Variants in DENND1A observed in about 807,000 individuals in gnomAD.
DENND1A encodes DENN domain-containing protein 1A.
A neutral mutation model predicts 113.7 loss-of-function variants in DENND1A; 51 were observed. That is an observed-to-expected ratio of 0.45 (90% confidence interval 0.36 to 0.57). The LOEUF is 0.57. Ranked by LOEUF, DENND1A falls within the 20% of genes least tolerant of loss-of-function variation. The pLI is 0.00. For missense variants in DENND1A, 1,258 were observed against 1,395.9 expected (o/e 0.90, Z 1.57); for synonymous variants, 565 against 570.8 (o/e 0.99, Z 0.14).
chr9:123,669,096 A>C (rs939915306), intron 7 of DENND1A, among the ~76,000 whole-genome samples: 1 of 152,182 alleles, frequency 6.6e-6, no homozygotes, highest in Non-Finnish European at 1.5e-5. Flanking sequence ...TGGTATTTTA[A>C]TACAAAATTA....
chr9:123,384,059 AGGAGTCTG>A, intron 22 of DENND1A, 146 bp from the exon 23 acceptor site: 3 of 1,139,196 alleles, frequency 2.6e-6, no homozygotes, highest in Non-Finnish European at 3.7e-6. Context: ...CCGTGAGGGC[AGGAGTCTG>A]GGAGGCTGCG....
intron 5 of DENND1A, among the ~76,000 whole-genome samples, chr9:123,703,004 CAG>C (rs1163005909): frequency 6.6e-6 from 1 of 152,152 alleles, no homozygotes; most frequent in Non-Finnish European, 1.5e-5. Context: ...TCTTTTGATA[CAG>C]AGTCTTTCCC....
At chr9:123,827,567 G>A (rs899941980) in intron 2 of DENND1A, among the ~76,000 whole-genome samples, 1 of 151,882 alleles carries the variant, frequency 6.6e-6, no homozygotes, top group East Asian at 1.9e-4. Context: ...TAGCATTTAA[G>A]AACATGTTTC....
intron 2 of DENND1A, among the ~76,000 whole-genome samples, chr9:123,795,239 G>A (rs12341586): frequency 1.2e-4 from 19 of 152,124 alleles, no homozygotes; most frequent in Admixed American, 5.2e-4. Context: ...GATTCAGTCC[G>A]ATAGTTCATA....
chr9:123,388,468 G>T (rs571295441), intron 21 of DENND1A, among the ~76,000 whole-genome samples: 1 of 152,232 alleles, frequency 6.6e-6, no homozygotes, highest in African/African-American at 2.4e-5. Flanking sequence ...CCAATAAGCA[G>T]GAAGAAATAA....
intron 1 of DENND1A, among the ~76,000 whole-genome samples, chr9:123,903,650 T>G (rs1437279412): frequency 6.6e-6 from 1 of 152,132 alleles, no homozygotes; most frequent in African/African-American, 2.4e-5. Context: ...ACCCGAATAT[T>G]GCGCTTTTCG....
chr9:123,660,415 C>T (rs139300737), intron 8 of DENND1A, among the ~76,000 whole-genome samples: 26 of 151,730 alleles, frequency 1.7e-4, no homozygotes, highest in Middle Eastern at 3.4e-3. Context: ...AGGTAGCATA[C>T]AGTGCAGACA....
chr9:123,381,196 C>A lies in DENND1A; in HGVS notation c.*236G>T, dbSNP rs1249743625. ...CAAGGGTGCCGAGGAGAGGCAACCG[C>A]GGGGTGGGATGGGCACTCAGGAACT... On this transcript the variant is annotated 3_prime_UTR_variant, in exon 24 of 24. Transcript: ENST00000394215. The surrounding 1 kb of genome is among the most constrained non-coding windows in gnomAD (Gnocchi z 4.7). 11 of 578,396 alleles carry A rather than the reference C, an allele frequency of 1.9e-5. No individual in the cohort carries two copies. Among genetic ancestry groups the A allele is most frequent in the Non-Finnish European group, 3.1e-5 (10 of 324,944 alleles). 35.8% of individuals were successfully genotyped at this position (578,396 alleles called of 1,614,324 possible).
intron 20 of DENND1A, among the ~76,000 whole-genome samples, chr9:123,409,210 T>C (rs2044116516): frequency 6.6e-6 from 1 of 152,156 alleles, no homozygotes; most frequent in Non-Finnish European, 1.5e-5. Flanking sequence ...TTCTCCTCTG[T>C]GTCTCTGCCA....
chr9:123,735,581 T>G (rs994529140), intron 5 of DENND1A, among the ~76,000 whole-genome samples: 1 of 152,234 alleles, frequency 6.6e-6, no homozygotes, highest in African/African-American at 2.4e-5. Context: ...TTGCCTGATA[T>G]TCTAGAAATT....
Position 123,538,728 on chromosome 9 carries a change from C to T in DENND1A, c.993+18842G>A, listed in dbSNP as rs1299323129. ...AAAATCCATCAAATATGTTGAAATC[C>T]ACCAGGCAATTATGTGTGTGAGTGT... is the stretch of plus-strand genomic sequence containing the variant. On this transcript the variant is annotated intron_variant, in intron 13 of 23. Coordinates refer to ENST00000394215, the MANE Select transcript of DENND1A (RefSeq NM_001352964.2). 3.6e-5 allele frequency among the ~76,000 whole-genome samples: 5 copies of T among 138,958 alleles called. No homozygotes were observed. The East Asian group carries it at 8.4e-4, about 23-fold the overall frequency. 91.2% of individuals were successfully genotyped at this position (138,958 alleles called of 152,430 possible).
intron 3 of DENND1A, among the ~76,000 whole-genome samples, chr9:123,779,592 T>C (rs1363392302): frequency 2.0e-5 from 3 of 152,120 alleles, no homozygotes; most frequent in African/African-American, 7.2e-5. Flanking sequence ...CTCTGCCTCC[T>C]GGGCTCAAGC....
rs1431822757 is a variant in DENND1A, at chr9:123,387,707, A to G, written c.1760+23T>C. Reference sequence around the variant, plus strand: ...CAGAGTCACCAAGCCGAGCTCAGGGAAATGGAAGAAGGAAGGAGAGACCAT... The same window carrying G: ...CAGAGTCACCAAGCCGAGCTCAGGGGAATGGAAGAAGGAAGGAGAGACCAT... On this transcript the variant is annotated intron_variant, in intron 22 of 23. Coordinates refer to ENST00000394215, the MANE Select transcript of DENND1A (RefSeq NM_001352964.2). 3 of 1,288,154 alleles carry G rather than the reference A, an allele frequency of 2.3e-6. No homozygotes were observed. In the East Asian group the frequency reaches 1.7e-4, roughly 72 times the overall value. 79.8% of individuals were successfully genotyped at this position (1,288,154 alleles called of 1,614,324 possible).
intron 1 of DENND1A, among the ~76,000 whole-genome samples, chr9:123,900,690 G>A (rs894596720): frequency 7.9e-5 from 12 of 152,262 alleles, no homozygotes; most frequent in African/African-American, 2.6e-4. Flanking sequence ...CCACACAAAC[G>A]GCCTAACATC....
intron 5 of DENND1A, among the ~76,000 whole-genome samples, chr9:123,711,513 GTATATATA>G (rs56814463): frequency 9.9e-5 from 12 of 120,974 alleles, no homozygotes; most frequent in East Asian, 2.3e-4. Context: ...ATGTATATAT[GTATATATA>G]TATATATATA....
intron 11 of DENND1A, among the ~76,000 whole-genome samples, chr9:123,600,830 T>TAAA (rs111709215): frequency 7.2e-6 from 1 of 138,874 alleles, no homozygotes; most frequent in African/African-American, 2.7e-5. Flanking sequence ...GACTCCATCA[T>TAAA]AAAAAAAAAA....
At chr9:123,441,479 G>T (rs975572467) in intron 18 of DENND1A, among the ~76,000 whole-genome samples, 2 of 152,128 alleles carry the variant, frequency 1.3e-5, no homozygotes, top group Non-Finnish European at 2.9e-5. Flanking sequence ...TTTAAATCCA[G>T]AAATTTACAT....
intron 5 of DENND1A, among the ~76,000 whole-genome samples, chr9:123,725,282 T>C (rs1413899002): frequency 3.3e-5 from 5 of 152,184 alleles, no homozygotes; most frequent in Non-Finnish European, 7.4e-5. Context: ...AGAGAAGGAA[T>C]TTATGAAGCC....
Position 123,856,371 on chromosome 9 carries a change from T to C in DENND1A, c.88+22580A>G, listed in dbSNP as rs16926910. ...TCTAACATAGGGTGTCAGAACCCAATTGTGACAAGGGTGCCCACAGAGGAG... is the reference window on the plus strand; with the variant it reads ...TCTAACATAGGGTGTCAGAACCCAACTGTGACAAGGGTGCCCACAGAGGAG... On this transcript the variant is annotated intron_variant, in intron 2 of 23. Coordinates refer to ENST00000394215, the MANE Select transcript of DENND1A (RefSeq NM_001352964.2). 4.9e-3 allele frequency among the ~76,000 whole-genome samples: 752 copies of C among 151,920 alleles called. 4 individuals carry two copies. Among genetic ancestry groups the C allele is most frequent in the African/African-American group, 0.017 (722 of 41,406 alleles).
Sources: allele counts gnomAD v4.1 joint callset (sites outside exome capture counted in the v4.1 genomes callset), GRCh38; gene constraint gnomAD v4.1.1; non-coding constraint Gnocchi (gnomAD v3.1); transcripts MANE v1.5; gene names NCBI Gene and HGNC (gene_info 2026-07-23, HGNC 2026-07-21).